ZNF701: variants seen among roughly 807,000 people sequenced by gnomAD.
ZNF701 encodes the protein zinc finger protein 701.
A neutral mutation model predicts 7.1 loss-of-function variants in ZNF701; 6 were observed. That is an observed-to-expected ratio of 0.84 (90% CI 0.46 to 1.66). The LOEUF is 1.66. Among genes scored for constraint, ZNF701 ranks in the 40% most tolerant of loss-of-function variants. The pLI is 0.01. For synonymous variants in ZNF701, 166 were observed against 188.2 expected, an observed-to-expected ratio of 0.88 and a Z score of 0.97; for missense variants, 541 against 559.2, an observed-to-expected ratio of 0.97 and a Z score of 0.33.
chr19:52,593,922 C>T, the ZNF701 span: 25 of 134,752 alleles, frequency 1.9e-4, 4 homozygotes, highest in African/African-American at 5.6e-4. Context: ...GGGTGGTGGC[C>T]GGGCAGAGGC....
chr19:52,595,693 G>A, the ZNF701 span: 149 of 1,440,774 alleles, frequency 1.0e-4, 1 homozygote, highest in African/African-American at 9.4e-4. Flanking sequence ...ACACAGGGAC[G>A]TTGCAAATAC....
downstream of ZNF701, among the ~76,000 whole-genome samples, chr19:52,591,540 T>C (rs1055000448): frequency 6.6e-6 from 1 of 151,824 alleles, no homozygotes; most frequent in Non-Finnish European, 1.5e-5. Context: ...CCAAGCTGAG[T>C]TGCAGTGGCA....
chr19:52,592,256 G>A, the ZNF701 span: 179,363 of 1,527,210 alleles, frequency 0.12, 12,811 homozygotes, highest in Middle Eastern at 0.16. Flanking sequence ...CCAGACATGA[G>A]GAATCTGCCC....
the ZNF701 span, chr19:52,596,964 C>CTTTTTT: frequency 1.3e-6 from 1 of 754,416 alleles, no homozygotes; most frequent in African/African-American, 1.8e-5. Flanking sequence ...GAAGTCGTCA[C>CTTTTTT]TTTTTTATCA....
intron 3 of ZNF701, among the ~76,000 whole-genome samples, chr19:52,576,798 T>G (rs966234345): frequency 6.6e-6 from 1 of 152,160 alleles, no homozygotes; most frequent in African/African-American, 2.4e-5. Flanking sequence ...CACGTCTTAG[T>G]ACTTTCTTTT....
At chr19:52,575,614 C>T (rs1309977327) in intron 2 of ZNF701, 1 of 355,414 alleles carries the variant, frequency 2.8e-6, no homozygotes, top group Non-Finnish European at 5.4e-6. Flanking sequence ...GTCCTCCCAC[C>T]TCAGCCTTCC....
At chr19:52,599,199 GT>G in the ZNF701 span, among the ~76,000 whole-genome samples, 27 of 141,358 alleles carry the variant, frequency 1.9e-4, no homozygotes, top group East Asian at 2.1e-4. Context: ...GGCTAACTTT[GT>G]TTTTTTTTTT....
At chr19:52,574,205 C>G (rs1021750534) in intron 2 of ZNF701, 43 bp downstream of exon 2, 13 of 1,600,964 alleles carry the variant, frequency 8.1e-6, no homozygotes, top group Non-Finnish European at 1.1e-5. Flanking sequence ...TCCTTCCTTT[C>G]AGAAATGCTG....
intron 3 of ZNF701, among the ~76,000 whole-genome samples, chr19:52,580,446 C>T (rs948058576): frequency 6.6e-6 from 1 of 151,954 alleles, no homozygotes; most frequent in African/African-American, 2.4e-5. Context: ...AGGCTGGTGT[C>T]GAACTTCTGA....
At position 52,582,804 on chromosome 19, in the gene ZNF701, G is replaced by A. The variant is rs551665700; in HGVS notation, c.745G>A (p.Gly249Ser). ...CAAACAGTATAAATGTGATGTATGC[G>A]GCAAGGACTTTCATCAGAAGCGATA... ...GDKQYKCDVC[G>S]KDFHQKRYLA... is the part of the protein sequence containing the mutation. The change falls in exon 4 of 4, where the codon GGC becomes AGC. Residue 249 changes from glycine to serine, a missense_variant. Physicochemically the swap from Gly to Ser is moderately conservative, Grantham distance 56. Coordinates refer to ENST00000391785, the MANE Select transcript of ZNF701 (RefSeq NM_018260.3). 62 of 1,614,116 alleles carry A rather than the reference G, an allele frequency of 3.8e-5. No individual in the cohort carries two copies. The highest frequency in any genetic ancestry group is 9.9e-5 in the South Asian group (9 of 91,080).
chr19:52,588,196 A>C (rs1284592471), downstream of ZNF701, among the ~76,000 whole-genome samples: 3 of 150,832 alleles, frequency 2.0e-5, no homozygotes, highest in Admixed American at 6.6e-5. Context: ...ATTTCTAAAC[A>C]CTAAATCTCA....
At chr19:52,593,327 A>AG in the ZNF701 span, among the ~76,000 whole-genome samples, 5 of 117,592 alleles carry the variant, frequency 4.3e-5, 1 homozygote, top group African/African-American at 9.9e-5. Flanking sequence ...GGCTGGGCAG[A>AG]GGGGCTCCTC....
At chr19:52,574,258 C>A in intron 2 of ZNF701, 96 bp downstream of exon 2, 1 of 1,556,046 alleles carries the variant, frequency 6.4e-7, no homozygotes, top group Non-Finnish European at 8.8e-7. Context: ...AGTGTCCTGC[C>A]TGACAGGTTT....
chr19:52,573,942 T>G (rs2059916256), intron 1 of ZNF701, 135 bp from the exon 2 acceptor site: 3 of 930,872 alleles, frequency 3.2e-6, no homozygotes, highest in Non-Finnish European at 4.7e-6. Context: ...TTATAGAAAT[T>G]TATTATCCCT....
chr19:52,583,616 AC>A lies in ZNF701; in HGVS notation c.*161del. The A allele has an allele frequency of 1.5e-6, 2 of 1,334,210 alleles. No individual in the cohort carries two copies. The highest frequency in any genetic ancestry group is 2.2e-6 in the Non-Finnish European group (2 of 926,152). The allele number at this position is 1,334,210 out of a possible 1,614,324, so 82.6% of individuals were successfully genotyped here. On this transcript the variant is annotated 3_prime_UTR_variant, in exon 4 of 4. Transcript: ENST00000391785. The stretch of plus-strand genomic sequence containing the variant: ...ATAGGAGAGTTCATACTGGAGAGAA[AC>A]CATACAAATGTAAGGTTTGTGACAA...
the ZNF701 span, chr19:52,598,594 G>A: frequency 6.6e-6 from 1 of 152,118 alleles, no homozygotes; most frequent in Admixed American, 6.5e-5. Context: ...CAGGAGTGGA[G>A]GATAATTTCA....
chr19:52,599,199 G>A, the ZNF701 span, among the ~76,000 whole-genome samples: 3 of 141,404 alleles, frequency 2.1e-5, no homozygotes, highest in Admixed American at 1.4e-4. Context: ...GGCTAACTTT[G>A]TTTTTTTTTT....
At chr19:52,572,385 T>G in intron 1 of ZNF701, 1 of 1,288,764 alleles carries the variant, frequency 7.8e-7, no homozygotes, top group Non-Finnish European at 1.0e-6. Flanking sequence ...AGCTGTGTCT[T>G]TGTACATCTG....
downstream of ZNF701, chr19:52,592,149 G>A (rs940131487): frequency 1.9e-5 from 28 of 1,462,818 alleles, no homozygotes; most frequent in Middle Eastern, 1.7e-4. Context: ...CTTTGGAGGA[G>A]TGGAAATGCC....
Sources: allele counts gnomAD v4.1 joint callset (sites outside exome capture counted in the v4.1 genomes callset), GRCh38; gene constraint gnomAD v4.1.1; transcripts MANE v1.5; gene names NCBI Gene and HGNC (gene_info 2026-07-23, HGNC 2026-07-21).